METTL15: variants seen among roughly 807,000 people sequenced by gnomAD.
The protein encoded by METTL15 is 12S rRNA N(4)-cytidine methyltransferase METTL15.
METTL15 carries 34 observed loss-of-function variants against 38.3 expected under a neutral mutation model. That is an observed-to-expected ratio of 0.89 (90% CI 0.68 to 1.18). The LOEUF is 1.18. Ranked by LOEUF, METTL15 falls within the 50% of genes most tolerant of loss-of-function variation. METTL15 has a pLI of 0.00. For missense variants in METTL15, 438 were observed against 498.4 expected (o/e 0.88, Z 1.15); for synonymous variants, 162 against 170.9 (o/e 0.95, Z 0.41).
At chr11:28,210,368 A>T (rs1309863430) in intron 3 of METTL15, among the ~76,000 whole-genome samples, 1 of 148,216 alleles carries the variant, frequency 6.7e-6, no homozygotes, top group Non-Finnish European at 1.5e-5. Flanking sequence ...TTTCTTCTTC[A>T]TTTTTTTTTT....
At chr11:28,282,762 T>C (rs1166645107) in intron 4 of METTL15, among the ~76,000 whole-genome samples, 1 of 152,164 alleles carries the variant, frequency 6.6e-6, no homozygotes, top group East Asian at 1.9e-4. Flanking sequence ...ATTCATCATC[T>C]TTACCCCAAC....
downstream of METTL15, among the ~76,000 whole-genome samples, chr11:28,337,252 T>C (rs1379793671): frequency 6.6e-6 from 1 of 152,010 alleles, no homozygotes; most frequent in African/African-American, 2.4e-5. Flanking sequence ...GAAATAAAAT[T>C]TTTTATGTTT....
At chr11:28,197,722 G>T (rs2133814414) in intron 3 of METTL15, among the ~76,000 whole-genome samples, 1 of 152,052 alleles carries the variant, frequency 6.6e-6, no homozygotes, top group South Asian at 2.1e-4. Context: ...ATGCATGTTT[G>T]CACATGCACA....
chr11:28,368,129 A>C (rs1261173127), intron 5 of METTL15, among the ~76,000 whole-genome samples: 4 of 121,226 alleles, frequency 3.3e-5, no homozygotes, highest in African/African-American at 5.8e-5. Context: ...TCTGCATAGC[A>C]AAAAAAAAAA....
intron 3 of METTL15, among the ~76,000 whole-genome samples, chr11:28,160,034 C>T (rs1565132232): frequency 6.6e-6 from 1 of 151,958 alleles, no homozygotes; most frequent in Non-Finnish European, 1.5e-5. Flanking sequence ...TCTGGGTGGG[C>T]ATAATCTCAT....
intron 3 of METTL15, among the ~76,000 whole-genome samples, chr11:28,204,563 G>T (rs1852242824): frequency 6.9e-6 from 1 of 145,674 alleles, no homozygotes; most frequent in Non-Finnish European, 1.5e-5. Context: ...GCAATAAGCA[G>T]ATACAGACTT....
At chr11:28,168,610 C>CT (rs908268142) in intron 3 of METTL15, among the ~76,000 whole-genome samples, 13 of 114,258 alleles carry the variant, frequency 1.1e-4, no homozygotes, top group African/African-American at 4.0e-4. Context: ...AATGCTATCC[C>CT]TCCCCCTCCC....
chr11:28,478,504 C>G (rs765639811), intron 6 of METTL15, among the ~76,000 whole-genome samples: 1 of 152,164 alleles, frequency 6.6e-6, no homozygotes, highest in African/African-American at 2.4e-5. Flanking sequence ...TTGTTTGTAT[C>G]TACTAAATTT....
chr11:28,245,883 A>G (rs1387788194), intron 4 of METTL15, among the ~76,000 whole-genome samples: 1 of 152,076 alleles, frequency 6.6e-6, no homozygotes, highest in Non-Finnish European at 1.5e-5. Context: ...TCATGAGAAC[A>G]GTAAGGGGGA....
At chr11:28,439,564 A>G (rs1252781554) in intron 6 of METTL15, among the ~76,000 whole-genome samples, 1 of 152,104 alleles carries the variant, frequency 6.6e-6, no homozygotes, top group South Asian at 2.1e-4. Context: ...AGAGCTCTAT[A>G]TTTGTCTTCC....
intron 3 of METTL15, among the ~76,000 whole-genome samples, chr11:28,140,232 T>A (rs1051645099): frequency 2.6e-5 from 4 of 152,184 alleles, no homozygotes; most frequent in Admixed American, 1.3e-4. Context: ...CTCTACCTAG[T>A]AGTATCTGCA....
At chr11:28,413,707 T>C (rs1850748731) in intron 5 of METTL15, among the ~76,000 whole-genome samples, 2 of 152,194 alleles carry the variant, frequency 1.3e-5, no homozygotes, top group African/African-American at 2.4e-5. Context: ...ATGTGGCTCA[T>C]ACTAGACAAT....
At chr11:28,479,381 G>A (rs1014028033) in intron 6 of METTL15, among the ~76,000 whole-genome samples, 3 of 152,158 alleles carry the variant, frequency 2.0e-5, no homozygotes, top group Admixed American at 2.0e-4. Flanking sequence ...TCCAAAGAGA[G>A]AAGTGACAGC....
At chr11:28,195,968 A>G (rs957414466) in intron 3 of METTL15, among the ~76,000 whole-genome samples, 1 of 151,898 alleles carries the variant, frequency 6.6e-6, no homozygotes, top group African/African-American at 2.4e-5. Flanking sequence ...CCCTTTCCCC[A>G]GTTTACATTT....
intron 6 of METTL15, among the ~76,000 whole-genome samples, chr11:28,520,034 T>C (rs910363675): frequency 6.6e-6 from 1 of 152,184 alleles, no homozygotes; most frequent in Admixed American, 6.5e-5. Context: ...AACTTTTTAC[T>C]CAGTCACATA....
intron 6 of METTL15, among the ~76,000 whole-genome samples, chr11:28,517,692 A>G (rs1292247861): frequency 6.6e-6 from 1 of 152,158 alleles, no homozygotes; most frequent in African/African-American, 2.4e-5. Context: ...TCCATTCTCA[A>G]CTGTCATTGC....
intron 5 of METTL15, among the ~76,000 whole-genome samples, chr11:28,396,740 C>A (rs1470336264): frequency 6.6e-6 from 1 of 152,160 alleles, no homozygotes; most frequent in Non-Finnish European, 1.5e-5. Flanking sequence ...GAAAAAACTA[C>A]TTTAAAGTTC....
chr11:28,142,690 C>T (rs1849741155), intron 3 of METTL15, among the ~76,000 whole-genome samples: 1 of 152,140 alleles, frequency 6.6e-6, no homozygotes, highest in South Asian at 2.1e-4. Flanking sequence ...ACAGAAAATG[C>T]TAGGCCTTAG....
chr11:28,204,239 T>G (rs1434860002), intron 3 of METTL15, among the ~76,000 whole-genome samples: 1 of 151,980 alleles, frequency 6.6e-6, no homozygotes, highest in Non-Finnish European at 1.5e-5. Context: ...TAATTCACTT[T>G]CATTTTGATT....
Sources: allele counts gnomAD v4.1 joint callset (sites outside exome capture counted in the v4.1 genomes callset), GRCh38; gene constraint gnomAD v4.1.1; transcripts MANE v1.5; gene names NCBI Gene and HGNC (gene_info 2026-07-23, HGNC 2026-07-21).